The following NIPBL variants were observed in gnomAD, a reference collection of about 807,000 sequenced individuals.
The protein encoded by NIPBL is NIPBL cohesin loading factor.
Under a neutral mutation model 321.8 loss-of-function variants are expected in NIPBL, and 19 were observed. That is an observed-to-expected ratio of 0.06 (90% CI 0.04 to 0.09). The LOEUF (loss-of-function observed/expected upper bound fraction) is 0.09. Ranked by LOEUF, NIPBL falls within the 10% of genes least tolerant of loss-of-function variation. The pLI, the probability that NIPBL is intolerant of heterozygous loss-of-function variation, is 1.00. For synonymous variants in NIPBL, 1,106 were observed against 1,114.1 expected (o/e 0.99, Z 0.14); for missense variants, 2,210 against 3,327.0 (o/e 0.66, Z 8.26).
At chr5:36,879,131 C>G (rs1004571450) in intron 1 of NIPBL, among the ~76,000 whole-genome samples, 1 of 152,136 alleles carries the variant, frequency 6.6e-6, no homozygotes, top group South Asian at 2.1e-4. Flanking sequence ...CTGTGATTGT[C>G]TCTACAACTT....
intron 1 of NIPBL, among the ~76,000 whole-genome samples, chr5:36,932,467 C>A (rs1749847983): frequency 6.6e-6 from 1 of 152,092 alleles, no homozygotes; most frequent in South Asian, 2.1e-4. Context: ...TATTTATCTT[C>A]AAGTCTGTTT....
intron 1 of NIPBL, among the ~76,000 whole-genome samples, chr5:36,933,250 C>G (rs182041670): frequency 6.6e-6 from 1 of 151,888 alleles, no homozygotes; most frequent in Admixed American, 6.6e-5. Flanking sequence ...AATTCTGTTA[C>G]GAGTTTCATG....
At chr5:36,979,212 A>G (rs1394967938) in intron 9 of NIPBL, among the ~76,000 whole-genome samples, 2 of 151,960 alleles carry the variant, frequency 1.3e-5, no homozygotes, top group Non-Finnish European at 2.9e-5. Flanking sequence ...GATTCTTCCT[A>G]TCCATGACCA....
At chr5:36,955,336 A>C (rs966128835) in intron 2 of NIPBL, 136 bp from the exon 3 acceptor site, 3 of 733,252 alleles carry the variant, frequency 4.1e-6, no homozygotes, top group Non-Finnish European at 7.0e-6. Context: ...GAGGTTTGTT[A>C]GGAAGAGGAG....
intron 6 of NIPBL, among the ~76,000 whole-genome samples, chr5:36,967,762 A>G (rs1463984002): frequency 6.6e-6 from 1 of 152,178 alleles, no homozygotes; most frequent in African/African-American, 2.4e-5. Flanking sequence ...CCTGGGCTTA[A>G]GTGATCCTTA....
chr5:37,039,891 A>C (rs1156751284), intron 34 of NIPBL, among the ~76,000 whole-genome samples: 1 of 152,198 alleles, frequency 6.6e-6, no homozygotes, highest in Non-Finnish European at 1.5e-5. Flanking sequence ...TATTAGATCC[A>C]GAAATAAATT....
chr5:36,984,593 AAG>A, intron 9 of NIPBL, 81 bp from the exon 10 acceptor site: 22 of 1,284,990 alleles, frequency 1.7e-5, no homozygotes, highest in Non-Finnish European at 2.4e-5. Context: ...TAACCTTAAA[AAG>A]ATAAACAACG....
At chr5:36,959,501 A>G (rs912343384) in intron 4 of NIPBL, among the ~76,000 whole-genome samples, 5 of 152,238 alleles carry the variant, frequency 3.3e-5, no homozygotes, top group Admixed American at 6.5e-5. Flanking sequence ...GTTAGATTGC[A>G]ATAGTAGGAG....
At chr5:36,987,509 A>G (rs1415976980) in intron 10 of NIPBL, among the ~76,000 whole-genome samples, 2 of 152,230 alleles carry the variant, frequency 1.3e-5, no homozygotes, top group Admixed American at 6.5e-5. Flanking sequence ...ATTGTTTTTC[A>G]TAACATGCTG....
At chr5:36,971,280 A>G (rs946793074) in intron 7 of NIPBL, among the ~76,000 whole-genome samples, 17 of 151,534 alleles carry the variant, frequency 1.1e-4, no homozygotes, top group African/African-American at 3.6e-4. Flanking sequence ...AAAAAAAAAA[A>G]TGTGATAGAG....
At chr5:36,924,344 T>C (rs1749189205) in intron 1 of NIPBL, among the ~76,000 whole-genome samples, 1 of 152,230 alleles carries the variant, frequency 6.6e-6, no homozygotes, top group South Asian at 2.1e-4. Flanking sequence ...TAAATAGTTT[T>C]GTAGCTTGTC....
intron 36 of NIPBL, 125 bp from the exon 37 acceptor site, chr5:37,045,318 C>CACTCCAGCCTGGGTGACAGTGAG: frequency 1.5e-6 from 1 of 676,858 alleles, no homozygotes. Flanking sequence ...CATGTCACTG[C>CACTCCAGCCTGGGTGACAGTGAG]ACTCCAGCCT....
At chr5:37,048,445 A>C (rs572543567) in intron 38 of NIPBL, 57 bp from the exon 39 acceptor site, 2 of 1,068,006 alleles carry the variant, frequency 1.9e-6, no homozygotes, top group South Asian at 2.1e-5. Flanking sequence ...ATATTTATTA[A>C]ATGTTTTATT....
intron 31 of NIPBL, among the ~76,000 whole-genome samples, chr5:37,026,981 G>A (rs1414438867): frequency 1.3e-5 from 2 of 150,906 alleles, no homozygotes; most frequent in Non-Finnish European, 3.0e-5. Flanking sequence ...CATTTCTATT[G>A]ATGTCTTTAA....
At chr5:37,033,899 G>C (rs1435110878) in intron 32 of NIPBL, among the ~76,000 whole-genome samples, 1 of 150,662 alleles carries the variant, frequency 6.6e-6, no homozygotes, top group African/African-American at 2.4e-5. Context: ...AGTAGGAAAG[G>C]ATGCCTTAAA....
chr5:37,003,246 A>T lies in NIPBL; in HGVS notation c.3769-15A>T. On this transcript the variant is annotated splice_polypyrimidine_tract_variant and intron_variant, in intron 15 of 46. Transcript: ENST00000282516. ...TTTACCAACGATTGATAAAGAATTT[A>T]TATTGCTATTTTAGCTTTCAACTGA... 7.1e-7 allele frequency: 1 copy of T among 1,407,420 alleles called. No individual in the cohort carries two copies. The highest frequency in any genetic ancestry group is 1.0e-6 in the Non-Finnish European group (1 of 992,002). 87.2% of individuals were successfully genotyped at this position (1,407,420 alleles called of 1,614,324 possible). A position where few individuals can be genotyped will look rare whatever the true frequency, so the allele number is the denominator to read the frequency against.
At chr5:36,882,328 G>A (rs1373017717) in intron 1 of NIPBL, among the ~76,000 whole-genome samples, 1 of 151,916 alleles carries the variant, frequency 6.6e-6, no homozygotes, top group Non-Finnish European at 1.5e-5. Context: ...ATTATTGAAT[G>A]TTTCCATGTG....
chr5:36,938,321 G>A (rs1738678877), intron 1 of NIPBL, among the ~76,000 whole-genome samples: 1 of 151,520 alleles, frequency 6.6e-6, no homozygotes, highest in African/African-American at 2.4e-5. Flanking sequence ...GTTCAGGGAG[G>A]CACACACCAC....
chr5:36,990,993 T>TAA (rs34629109), intron 10 of NIPBL, among the ~76,000 whole-genome samples: 64 of 146,388 alleles, frequency 4.4e-4, no homozygotes, highest in African/African-American at 1.6e-3. Flanking sequence ...TTTTATATTC[T>TAA]AAAAAAAAAA....
Sources: allele counts gnomAD v4.1 joint callset (sites outside exome capture counted in the v4.1 genomes callset), GRCh38; gene constraint gnomAD v4.1.1; transcripts MANE v1.5; gene names NCBI Gene and HGNC (gene_info 2026-07-23, HGNC 2026-07-21).